The following AURKA variants were observed in gnomAD, a reference collection of about 807,000 sequenced individuals.
AURKA encodes the protein aurora 2.
Under a neutral mutation model 40.9 loss-of-function variants are expected in AURKA, and 12 were observed. That is an observed-to-expected ratio of 0.29 (90% CI 0.19 to 0.48). The LOEUF (loss-of-function observed/expected upper bound fraction) is 0.48, where lower values mean the gene tolerates loss of function less well. AURKA is among the 20% of genes least tolerant of loss of function. AURKA has a pLI of 0.99. For missense variants in AURKA, 322 were observed against 462.1 expected, an observed-to-expected ratio of 0.70 and a Z score of 2.78; for synonymous variants, 170 against 164.3, an observed-to-expected ratio of 1.03 and a Z score of -0.26.
At position 56,370,672 on chromosome 20, in the gene AURKA, G is replaced by T; in HGVS notation, c.855-13C>A. The T allele has an allele frequency of 1.2e-6, 2 of 1,614,074 alleles. No homozygotes were observed. The highest frequency in any genetic ancestry group is 1.7e-6 in the Non-Finnish European group (2 of 1,180,000). On this transcript the variant is annotated splice_polypyrimidine_tract_variant and intron_variant, in intron 7 of 8. Transcript: ENST00000395915. ...GAGAGTGGTCCTCCTGAAAACGGAG[G>T]GAGGCTCAGGTTGATGTGCTTCTCG... is the stretch of plus-strand genomic sequence containing the variant.
intron 5 of AURKA, among the ~76,000 whole-genome samples, chr20:56,381,901 C>CA (rs1243578078): frequency 6.6e-6 from 1 of 152,028 alleles, no homozygotes; most frequent in Non-Finnish European, 1.5e-5. Context: ...CACAGTGGCT[C>CA]ACGCCTGTAA....
chr20:56,369,452 TA>T lies in AURKA; in HGVS notation c.*705del, dbSNP rs971929893. The T allele has an allele frequency of 8.5e-6, 2 of 235,668 alleles. No homozygotes were observed. The highest frequency in any genetic ancestry group is 1.2e-4 in the East Asian group (2 of 16,544). 14.6% of individuals were successfully genotyped at this position (235,668 alleles called of 1,614,324 possible). ...CACACATGCTATGACTCCAATGTTT[TA>T]AAAAAATAAGCCCTTAACAGCTCTG... On this transcript the variant is annotated 3_prime_UTR_variant, in exon 9 of 9. Coordinates refer to ENST00000395915, the MANE Select transcript of AURKA (RefSeq NM_198437.3).
intron 6 of AURKA, among the ~76,000 whole-genome samples, chr20:56,378,563 C>T (rs955096063): frequency 1.3e-5 from 2 of 152,110 alleles, no homozygotes; most frequent in African/African-American, 4.8e-5. Context: ...AGACTTGTTT[C>T]GCAAAAACCT....
intron 5 of AURKA, among the ~76,000 whole-genome samples, chr20:56,382,191 C>T (rs1260900076): frequency 6.6e-6 from 1 of 151,336 alleles, no homozygotes; most frequent in East Asian, 1.9e-4. Flanking sequence ...AAAAAAAGGA[C>T]ATGGCATTGC....
intron 1 of AURKA, among the ~76,000 whole-genome samples, chr20:56,390,839 C>A (rs1019204825): frequency 2.0e-5 from 3 of 152,156 alleles, no homozygotes; most frequent in African/African-American, 7.2e-5. Flanking sequence ...TTTAATTTCA[C>A]ACATGCTCTA....
Position 56,382,930 on chromosome 20 carries a change from G to C in AURKA, c.566+55C>G, listed in dbSNP as rs529781803. 8.3e-5 allele frequency: 132 copies of C among 1,588,242 alleles called. No individual in the cohort carries two copies. In the East Asian group the frequency reaches 1.1e-3, roughly 13 times the overall value. Reference sequence around the variant, plus strand: ...CAGTGGGAGGCTGACATTACAGGAGGGGGAGGGGTGCAGCATTGGTGAACA... The same window carrying C: ...CAGTGGGAGGCTGACATTACAGGAGCGGGAGGGGTGCAGCATTGGTGAACA... On this transcript the variant is annotated intron_variant, in intron 5 of 8. Coordinates refer to ENST00000395915, the MANE Select transcript of AURKA (RefSeq NM_198437.3).
In AURKA at chr20:56,391,525, G is replaced by A. The variant is rs187074142; in HGVS notation, c.-6+643C>T. Among the ~76,000 whole-genome samples the A allele has an allele frequency of 4.4e-3, 663 of 152,234 alleles. 4 individuals carry two copies. Among genetic ancestry groups the A allele is most frequent in the African/African-American group, 0.015 (642 of 41,542 alleles). The stretch of plus-strand genomic sequence containing the variant: ...AGACACCTGGGTCCTACCCCTCAGA[G>A]ATTCTGATTTACCGGGCTCTCGGTG... On this transcript the variant is annotated intron_variant, in intron 1 of 8. Coordinates refer to ENST00000395915, the MANE Select transcript of AURKA (RefSeq NM_198437.3).
intron 6 of AURKA, among the ~76,000 whole-genome samples, chr20:56,377,342 A>G (rs943498381): frequency 6.6e-6 from 1 of 152,150 alleles, no homozygotes; most frequent in African/African-American, 2.4e-5. Flanking sequence ...CAAGGCACGG[A>G]TTGGGAGAAA....
intron 6 of AURKA, among the ~76,000 whole-genome samples, chr20:56,379,564 A>G (rs1168325888): frequency 6.6e-6 from 1 of 152,210 alleles, no homozygotes; most frequent in African/African-American, 2.4e-5. Context: ...TTCTAATAAC[A>G]TTCTCCAAGA....
chr20:56,381,361 T>C, intron 6 of AURKA, 72 bp downstream of exon 6: 1 of 1,581,080 alleles, frequency 6.3e-7, no homozygotes. Flanking sequence ...TCTACTATGA[T>C]GAAAGGTACA....
intron 5 of AURKA, among the ~76,000 whole-genome samples, chr20:56,381,859 T>G (rs1985749604): frequency 6.6e-6 from 1 of 152,036 alleles, no homozygotes; most frequent in African/African-American, 2.4e-5. Flanking sequence ...GAATATTAAT[T>G]ATCTACATAT....
At chr20:56,370,772 T>C (rs150892867) in intron 7 of AURKA, 113 bp from the exon 8 acceptor site, 23,628 of 1,165,366 alleles carry the variant, frequency 0.02, 358 homozygotes, top group Non-Finnish European at 0.022. Context: ...GGCCAGATCC[T>C]GTGCCCTAGG....
At chr20:56,382,892 G>T in intron 5 of AURKA, 93 bp downstream of exon 5, 5 of 1,392,418 alleles carry the variant, frequency 3.6e-6, no homozygotes, top group Non-Finnish European at 5.1e-6. Flanking sequence ...AAGAGGGAGT[G>T]AAGGGACCTG....
chr20:56,387,113 G>A (rs917931360), intron 2 of AURKA, among the ~76,000 whole-genome samples: 11 of 152,126 alleles, frequency 7.2e-5, no homozygotes, highest in Admixed American at 5.2e-4. Context: ...TGACAAAGAG[G>A]AAACAAATGT....
Position 56,373,596 on chromosome 20 carries a change from T to C in AURKA, c.706-40A>G. The C allele has an allele frequency of 6.2e-7, 1 of 1,601,720 alleles. No individual in the cohort carries two copies. The highest frequency in any genetic ancestry group is 2.2e-5 in the East Asian group (1 of 44,794). ...TTGAAAGCCTATGTTTTAGATTTTATATAACACAAGTTAATATTAGACATC... is the reference window on the plus strand; with the variant it reads ...TTGAAAGCCTATGTTTTAGATTTTACATAACACAAGTTAATATTAGACATC... On this transcript the variant is annotated intron_variant, in intron 6 of 8. Transcript: ENST00000395915. The surrounding 1 kb of genome is among the most constrained non-coding windows in gnomAD (Gnocchi z 5.0).
At position 56,369,988 on chromosome 20, in the gene AURKA, G is replaced by A. The variant is rs1983887215; in HGVS notation, c.*170C>T. ...TTCAGAGTGTCATGTTTATTGATGT[G>A]GAGCTTTCTGAATAGGGAGGTTAAG... On this transcript the variant is annotated 3_prime_UTR_variant, in exon 9 of 9. Transcript: ENST00000395915. 5 of 781,882 alleles carry A rather than the reference G, an allele frequency of 6.4e-6. No homozygotes were observed. The highest frequency in any genetic ancestry group is 1.1e-5 in the Non-Finnish European group (5 of 456,628). 48.4% of individuals were successfully genotyped at this position (781,882 alleles called of 1,614,324 possible). A position where few individuals can be genotyped will look rare whatever the true frequency, so the allele number is the denominator to read the frequency against.
At chr20:56,382,507 G>C (rs911160) in intron 5 of AURKA, among the ~76,000 whole-genome samples, 53,958 of 152,120 alleles carry the variant, frequency 0.35, 10,928 homozygotes, top group East Asian at 0.68. Flanking sequence ...GTAGCTGCTC[G>C]CAATTCCTGC....
At position 56,374,016 on chromosome 20, in the gene AURKA, T is replaced by TACACACACACACAC. The variant is rs11467339; in HGVS notation, c.706-474_706-461dup. Among the ~76,000 whole-genome samples, 85 of 147,612 alleles carry TACACACACACACAC rather than the reference T, an allele frequency of 5.8e-4. No homozygotes were observed. In the Middle Eastern group the frequency reaches 0.014, roughly 24 times the overall value. ...GGATTGTAGAAATTATATAGGAGTC[T>TACACACACACACAC]ACACACACACACACACACACACACA... is the stretch of plus-strand genomic sequence containing the variant. On this transcript the variant is annotated intron_variant, in intron 6 of 8. Coordinates refer to ENST00000395915, the MANE Select transcript of AURKA (RefSeq NM_198437.3).
chr20:56,382,203 A>G (rs1224918429), intron 5 of AURKA, among the ~76,000 whole-genome samples: 1 of 151,880 alleles, frequency 6.6e-6, no homozygotes, highest in Non-Finnish European at 1.5e-5. Flanking sequence ...TGGCATTGCC[A>G]CAGTAGTTTG....
Sources: allele counts gnomAD v4.1 joint callset (sites outside exome capture counted in the v4.1 genomes callset), GRCh38; gene constraint gnomAD v4.1.1; non-coding constraint Gnocchi (gnomAD v3.1); transcripts MANE v1.5; gene names NCBI Gene and HGNC (gene_info 2026-07-23, HGNC 2026-07-21).